The following CSMD1 variants were observed in gnomAD, a reference collection of about 807,000 sequenced individuals.
The protein encoded by CSMD1 is CUB and sushi domain-containing protein 1.
Under a neutral mutation model 417.5 loss-of-function variants are expected in CSMD1, and 213 were observed. That is an observed-to-expected ratio of 0.51 (90% CI 0.46 to 0.57). CSMD1 has a LOEUF of 0.57. Among genes scored for constraint, CSMD1 ranks in the 20% least tolerant of loss-of-function variants. CSMD1 has a pLI of 0.00. For synonymous variants in CSMD1, 2,862 were observed against 1,736.8 expected (o/e 1.65, Z -16.11); for missense variants, 6,923 against 4,529.7 (o/e 1.53, Z -15.17).
intron 30 of CSMD1, among the ~76,000 whole-genome samples, chr8:3,210,355 C>G (rs1035574029): frequency 8.1e-6 from 1 of 124,000 alleles, no homozygotes; most frequent in African/African-American, 3.2e-5. Flanking sequence ...GTGCCTCACT[C>G]CACAGATCTT....
chr8:3,650,330 G>T (rs1797789959), intron 7 of CSMD1, among the ~76,000 whole-genome samples: 1 of 152,016 alleles, frequency 6.6e-6, no homozygotes. Flanking sequence ...TGAGTTTCAA[G>T]TTGAGTTAGG....
chr8:3,476,446 A>T (rs1023336268), intron 11 of CSMD1, among the ~76,000 whole-genome samples: 10 of 152,286 alleles, frequency 6.6e-5, no homozygotes, highest in African/African-American at 2.4e-4. Flanking sequence ...TCTAGGGTAA[A>T]TACTTAGGAG....
At chr8:4,738,887 T>C (rs1432272007) in intron 1 of CSMD1, among the ~76,000 whole-genome samples, 1 of 96,954 alleles carries the variant, frequency 1.0e-5, no homozygotes, top group Non-Finnish European at 2.3e-5. Context: ...TCTATTATAC[T>C]TAAAATTCTG....
At position 3,776,321 on chromosome 8, in the gene CSMD1, C is replaced by T. The variant is rs143667172; in HGVS notation, c.819-22279G>A. On this transcript the variant is annotated intron_variant, in intron 5 of 69. Transcript: ENST00000635120. ...GGGTCACATACAACCCAAATTAGAT[C>T]ACATTGCACCTTGAAGCGACACTCT... Among the ~76,000 whole-genome samples, 656 of 152,220 alleles carry T rather than the reference C, an allele frequency of 4.3e-3. 5 individuals are homozygous for T. The highest frequency in any genetic ancestry group is 0.015 in the African/African-American group (619 of 41,532).
intron 1 of CSMD1, among the ~76,000 whole-genome samples, chr8:4,770,083 G>T (rs1444698481): frequency 6.6e-6 from 1 of 151,662 alleles, no homozygotes; most frequent in African/African-American, 2.4e-5. Flanking sequence ...TGCATGAAAA[G>T]ATACTTCATG....
chr8:4,986,843 C>G (rs1408239229), intron 1 of CSMD1, among the ~76,000 whole-genome samples: 4 of 152,050 alleles, frequency 2.6e-5, no homozygotes, highest in Non-Finnish European at 1.5e-5. Context: ...TTCATGAAAT[C>G]AGTGTGAGCT....
At chr8:3,897,900 G>A (rs959443034) in intron 5 of CSMD1, among the ~76,000 whole-genome samples, 58 of 152,138 alleles carry the variant, frequency 3.8e-4, no homozygotes, top group African/African-American at 1.4e-3. Flanking sequence ...CAAGTAAGGT[G>A]GCCATGTGGA....
At chr8:4,870,260 T>C (rs1279123397) in intron 1 of CSMD1, among the ~76,000 whole-genome samples, 1 of 152,148 alleles carries the variant, frequency 6.6e-6, no homozygotes, top group Non-Finnish European at 1.5e-5. Flanking sequence ...ACATCTAGGT[T>C]TCCCTCTATA....
chr8:3,432,670 C>G (rs1814291179), intron 12 of CSMD1, among the ~76,000 whole-genome samples: 1 of 152,036 alleles, frequency 6.6e-6, no homozygotes, highest in Non-Finnish European at 1.5e-5. Flanking sequence ...CGTGTGCCAC[C>G]ACACCCAGCT....
At chr8:3,794,069 G>C (rs917953124) in intron 5 of CSMD1, among the ~76,000 whole-genome samples, 1 of 152,142 alleles carries the variant, frequency 6.6e-6, no homozygotes, top group African/African-American at 2.4e-5. Flanking sequence ...CACCATCATT[G>C]GCTTCCCCTG....
intron 3 of CSMD1, among the ~76,000 whole-genome samples, chr8:4,342,936 A>G (rs1800563880): frequency 6.6e-6 from 1 of 152,080 alleles, no homozygotes; most frequent in African/African-American, 2.4e-5. Flanking sequence ...CTGCACACTG[A>G]TCTGTAAGTT....
chr8:4,515,261 T>A (rs1803052538), intron 2 of CSMD1, among the ~76,000 whole-genome samples: 1 of 152,160 alleles, frequency 6.6e-6, no homozygotes, highest in Admixed American at 6.5e-5. Flanking sequence ...TGGAATTATA[T>A]GCAGAGACCA....
chr8:3,520,119 C>T (rs1797446458), intron 10 of CSMD1, among the ~76,000 whole-genome samples: 2 of 151,200 alleles, frequency 1.3e-5, no homozygotes, highest in East Asian at 1.9e-4. Context: ...TACTTACAGG[C>T]ACAGAGAAAT....
At chr8:3,456,298 T>A (rs11781867) in intron 12 of CSMD1, among the ~76,000 whole-genome samples, 1 of 151,170 alleles carries the variant, frequency 6.6e-6, no homozygotes, top group Non-Finnish European at 1.5e-5. Flanking sequence ...GCTCATGCTT[T>A]GTGTGCTGCA....
rs140283148 is a variant in CSMD1, at chr8:4,102,843, G to C, written c.416-70744C>G. On this transcript the variant is annotated intron_variant, in intron 3 of 69. Coordinates refer to ENST00000635120, the MANE Select transcript of CSMD1 (RefSeq NM_033225.6). ...GCATTCATATCCTGCTTGATATCAG[G>C]AAGGAATCTATCCTGAGAACCAGCG... is the stretch of plus-strand genomic sequence containing the variant. Among the ~76,000 whole-genome samples, 927 of 152,230 alleles carry C rather than the reference G, an allele frequency of 6.1e-3. 10 individuals carry two copies. Among genetic ancestry groups the C allele is most frequent in the African/African-American group, 0.021 (858 of 41,546 alleles).
chr8:4,522,686 T>C (rs533233373), intron 2 of CSMD1, among the ~76,000 whole-genome samples: 89 of 152,316 alleles, frequency 5.8e-4, no homozygotes, highest in African/African-American at 1.9e-3. Flanking sequence ...CTGTGTGATC[T>C]GTTATCATCT....
intron 3 of CSMD1, among the ~76,000 whole-genome samples, chr8:4,393,235 C>G (rs916984011): frequency 6.6e-6 from 1 of 152,102 alleles, no homozygotes; most frequent in Admixed American, 6.5e-5. Context: ...ATCAGCCTCC[C>G]AAAGTGCTGG....
rs1292462916 is a variant in CSMD1 at position 4,835,571 on chromosome 8, T to TG, written c.85+158760dup. Among the ~76,000 whole-genome samples, 3 of 152,316 alleles carry TG rather than the reference T, an allele frequency of 2.0e-5. No individual in the cohort carries two copies. The East Asian group carries it at 5.8e-4, about 29-fold the overall frequency. ...TGGTTAAGTTAGCACACAGAGATTT[T>TG]GGAATTATCCTAACACAAATTTTAT... On this transcript the variant is annotated intron_variant, in intron 1 of 69. Transcript: ENST00000635120.
At chr8:3,890,003 G>A (rs115545069) in intron 5 of CSMD1, among the ~76,000 whole-genome samples, 1,843 of 152,144 alleles carry the variant, frequency 0.012, 44 homozygotes, top group African/African-American at 0.041. Flanking sequence ...GGAATATAGG[G>A]AGATCCCTTC....
Sources: gnomAD v4.1 joint callset for allele counts (sites outside exome capture counted in the v4.1 genomes callset) on GRCh38, gnomAD v4.1.1 for gene constraint, MANE v1.5 for transcripts, NCBI Gene and HGNC (gene_info 2026-07-23, HGNC 2026-07-21) for gene names.